Variants in DCBLD1 observed in about 807,000 individuals in gnomAD.
DCBLD1 encodes the protein discoidin, CUB and LCCL domain containing 1, also known as discoidin, CUB and LCCL domain-containing protein 1.
Under a neutral mutation model 71.5 loss-of-function variants are expected in DCBLD1, and 57 were observed. The ratio of observed to expected loss-of-function variants is 0.80; its 90% CI spans 0.64 to 0.99. The LOEUF is 0.99. Ranked by LOEUF, DCBLD1 falls within the 50% of genes least tolerant of loss-of-function variation. DCBLD1 has a pLI of 0.00. For synonymous variants in DCBLD1, 380 were observed against 363.8 expected (o/e 1.04, Z -0.51); for missense variants, 891 against 923.5 (o/e 0.96, Z 0.46).
intron 3 of DCBLD1, among the ~76,000 whole-genome samples, chr6:117,521,099 G>A (rs1778369383): frequency 6.6e-6 from 1 of 152,234 alleles, no homozygotes; most frequent in Non-Finnish European, 1.5e-5. Flanking sequence ...GTGCTTCTCT[G>A]TCACCAGATG....
At chr6:117,504,641 A>G (rs1777778770) in intron 2 of DCBLD1, among the ~76,000 whole-genome samples, 1 of 152,202 alleles carries the variant, frequency 6.6e-6, no homozygotes, top group Non-Finnish European at 1.5e-5. Context: ...AGAAAACAGC[A>G]AGTGCAAAGG....
chr6:117,512,728 G>T (rs1471998841), intron 2 of DCBLD1, among the ~76,000 whole-genome samples: 4 of 152,158 alleles, frequency 2.6e-5, no homozygotes, highest in African/African-American at 7.2e-5. Flanking sequence ...TCATAAGAAA[G>T]AATTGTGTGC....
chr6:117,549,301 G>A lies in DCBLD1; in HGVS notation c.*862G>A, dbSNP rs1001674119. The A allele has an allele frequency of 1.3e-5, 13 of 985,248 alleles. No individual in the cohort carries two copies. The African/African-American group carries it at 1.7e-4, about 13-fold the overall frequency. The allele number at this position is 985,248 out of a possible 1,614,324, so 61.0% of individuals were successfully genotyped here. On this transcript the variant is annotated 3_prime_UTR_variant, in exon 15 of 15. Transcript: ENST00000338728. ...GAAGTAGCACATTTTCGTGACTTCC[G>A]CTGTCCTCTGAAAAACAAAGTTATT...
At chr6:117,520,037 G>T (rs1778334988) in intron 3 of DCBLD1, 87 bp downstream of exon 3, 3 of 1,575,268 alleles carry the variant, frequency 1.9e-6, no homozygotes, top group Non-Finnish European at 2.6e-6. Flanking sequence ...GGACATAATT[G>T]TGGACTCAGA....
intron 9 of DCBLD1, 136 bp from the exon 10 acceptor site, chr6:117,540,532 A>G (rs1415890373): frequency 2.0e-6 from 2 of 1,019,424 alleles, no homozygotes; most frequent in Non-Finnish European, 2.8e-6. Context: ...CGTATCTTCA[A>G]TATCAAGAGT....
At chr6:117,501,889 ACT>A (rs1177287137) in intron 1 of DCBLD1, among the ~76,000 whole-genome samples, 4 of 151,538 alleles carry the variant, frequency 2.6e-5, no homozygotes, top group Non-Finnish European at 4.4e-5. Context: ...CCCTCTCTGG[ACT>A]CTTTTTGCTG....
At chr6:117,500,312 CT>C (rs2114410875) in intron 1 of DCBLD1, among the ~76,000 whole-genome samples, 1 of 152,298 alleles carries the variant, frequency 6.6e-6, no homozygotes, top group African/African-American at 2.4e-5. Flanking sequence ...TGACAGTTCG[CT>C]TTTTAATAAA....
intron 1 of DCBLD1, among the ~76,000 whole-genome samples, chr6:117,487,072 T>C (rs78295668): frequency 0.03 from 4,630 of 152,056 alleles, 81 homozygotes; most frequent in Non-Finnish European, 0.037. Flanking sequence ...CACGGAAAAA[T>C]TGTCCTTCAC....
intron 9 of DCBLD1, chr6:117,540,419 A>G (rs1583026643): frequency 6.8e-6 from 3 of 440,208 alleles, no homozygotes; most frequent in South Asian, 2.9e-5. Context: ...CAAATAATAC[A>G]ACAAGGCAAT....
At chr6:117,497,466 A>G (rs1166222650) in intron 1 of DCBLD1, among the ~76,000 whole-genome samples, 4 of 152,248 alleles carry the variant, frequency 2.6e-5, no homozygotes, top group Admixed American at 2.6e-4. Flanking sequence ...TGGCTTGTGT[A>G]TACAAGCATC....
At position 117,548,769 on chromosome 6, in the gene DCBLD1, T is replaced by C; in HGVS notation, c.*330T>C. 8.7e-7 allele frequency: 1 copy of C among 1,150,810 alleles called. No homozygotes were observed. Among genetic ancestry groups the C allele is most frequent in the East Asian group, 5.5e-5 (1 of 18,106 alleles). 71.3% of individuals were successfully genotyped at this position (1,150,810 alleles called of 1,614,324 possible). A position where few individuals can be genotyped will look rare whatever the true frequency, so the allele number is the denominator to read the frequency against. On this transcript the variant is annotated 3_prime_UTR_variant, in exon 15 of 15. Coordinates refer to ENST00000338728, the MANE Select transcript of DCBLD1 (RefSeq NM_001366458.2). ...ATGTGTACAGAGTTGTATTTAACAA[T>C]AATAAAAGTAACTTAAGTTTGCTCT...
chr6:117,492,779 TATG>T (rs1017750099), intron 1 of DCBLD1, among the ~76,000 whole-genome samples: 1 of 152,236 alleles, frequency 6.6e-6, no homozygotes, highest in Non-Finnish European at 1.5e-5. Context: ...TTATTAGATG[TATG>T]ATAAGACACC....
intron 14 of DCBLD1, chr6:117,561,445 CA>C: frequency 4.5e-6 from 1 of 222,870 alleles, no homozygotes; most frequent in Non-Finnish European, 9.0e-6. Flanking sequence ...CATGTCACAG[CA>C]AAAAGGTTTT....
chr6:117,521,683 A>G (rs958682031), intron 4 of DCBLD1, 107 bp downstream of exon 4: 13 of 951,426 alleles, frequency 1.4e-5, no homozygotes, highest in African/African-American at 1.8e-5. Flanking sequence ...TTTACCATTC[A>G]TGTTGTAACT....
In DCBLD1 at chr6:117,539,328, C is replaced by T. The variant is rs567775305; in HGVS notation, c.1050C>T (p.Asn350=). The change falls in exon 9 of 15, where the codon AAC becomes AAT. Residue 350 remains asparagine (N), a synonymous_variant. Coordinates refer to ENST00000338728, the MANE Select transcript of DCBLD1 (RefSeq NM_001366458.2). ...AGAGTTTTGTGATGAACTTCAAAAA[C>T]AATAATTCTAAGTGGAAGACCTATA... The part of the protein sequence containing the change: ...YVKSFVMNFK[N]NNSKWKTYKG... The T allele has an allele frequency of 6.0e-5, 96 of 1,609,694 alleles. No individual in the cohort carries two copies. In the South Asian group the frequency reaches 1.0e-3, roughly 17 times the overall value.
At chr6:117,543,497 T>C (rs1334016818) in intron 12 of DCBLD1, among the ~76,000 whole-genome samples, 1 of 152,126 alleles carries the variant, frequency 6.6e-6, no homozygotes, top group Non-Finnish European at 1.5e-5. Context: ...CTCAACCTCC[T>C]GAGTAGTTAG....
At chr6:117,486,820 C>T (rs1372559296) in intron 1 of DCBLD1, among the ~76,000 whole-genome samples, 1 of 152,318 alleles carries the variant, frequency 6.6e-6, no homozygotes, top group East Asian at 1.9e-4. Context: ...GTACCTGTCA[C>T]TGGCCCGTTA....
chr6:117,542,007 C>G (rs897990249), intron 11 of DCBLD1, among the ~76,000 whole-genome samples: 4 of 152,114 alleles, frequency 2.6e-5, no homozygotes, highest in Non-Finnish European at 5.9e-5. Context: ...AAAAATAACA[C>G]CGCTACCGGG....
At chr6:117,525,488 C>T (rs1328660524) in intron 5 of DCBLD1, 54 bp downstream of exon 5, 1 of 1,310,016 alleles carries the variant, frequency 7.6e-7, no homozygotes. Flanking sequence ...AAGTGCTTTA[C>T]TCTGCCTAAA....
Sources: allele counts gnomAD v4.1 joint callset (sites outside exome capture counted in the v4.1 genomes callset), GRCh38; gene constraint gnomAD v4.1.1; transcripts MANE v1.5; gene names NCBI Gene and HGNC (gene_info 2026-07-23, HGNC 2026-07-21).